Variants in RAB5B observed in about 807,000 individuals in gnomAD.
RAB5B encodes ras-related protein Rab-5B.
A neutral mutation model predicts 28.6 loss-of-function variants in RAB5B; 11 were observed. That is an observed-to-expected ratio of 0.38 (90% CI 0.24 to 0.64). The LOEUF (loss-of-function observed/expected upper bound fraction) is 0.64, where lower values mean the gene tolerates loss of function less well. Ranked by LOEUF, RAB5B falls within the 30% of genes least tolerant of loss-of-function variation. The pLI, the probability that RAB5B is intolerant of heterozygous loss-of-function variation, is 0.53. For missense variants in RAB5B, 169 were observed against 265.6 expected (o/e 0.64, Z 2.53); for synonymous variants, 93 against 97.9 (o/e 0.95, Z 0.29).
At position 55,995,459 on chromosome 12, in the gene RAB5B, C is replaced by T. The variant is rs1890259716; in HGVS notation, c.*3247C>T. 6.6e-6 allele frequency: 1 copy of T among 152,210 alleles called. No individual in the cohort carries two copies. The highest frequency in any genetic ancestry group is 2.4e-5 in the African/African-American group (1 of 41,450). The allele number at this position is 152,210 out of a possible 1,614,324, so 9.4% of individuals were successfully genotyped here. On this transcript the variant is annotated 3_prime_UTR_variant, in exon 6 of 6. Coordinates refer to ENST00000360299, the MANE Select transcript of RAB5B (RefSeq NM_002868.4). ...GGTCCATGACCCAAAGGTTGAAAAA[C>T]ATCACTGAGTTAGTTTTCTTGTAGC...
chr12:55,986,762 T>C, intron 1 of RAB5B, 107 bp from the exon 2 acceptor site: 1 of 602,234 alleles, frequency 1.7e-6, no homozygotes. Context: ...TTCTCAGAGC[T>C]AAGTCCTCAT....
chr12:55,990,339 C>T (rs926354836), intron 3 of RAB5B: 31 of 468,750 alleles, frequency 6.6e-5, no homozygotes, highest in South Asian at 3.1e-4. Flanking sequence ...ACCCAGGAGG[C>T]GGAGGTTGCA....
At chr12:55,990,478 C>T (rs1177784905) in intron 3 of RAB5B, among the ~76,000 whole-genome samples, 2 of 151,844 alleles carry the variant, frequency 1.3e-5, no homozygotes, top group East Asian at 3.9e-4. Flanking sequence ...GGTAAGGGGG[C>T]AGAAAACGGG....
chr12:55,991,965 T>C (rs1219772228), intron 5 of RAB5B, 132 bp from the exon 6 acceptor site: 1 of 635,256 alleles, frequency 1.6e-6, no homozygotes, highest in Non-Finnish European at 2.7e-6. Context: ...AACCCTCCCA[T>C]CTTCAGAACA....
In RAB5B at chr12:55,990,263, T is replaced by C. The variant is rs573309836; in HGVS notation, c.315+165T>C. ...TCTCTACTAAAATTACAAAAATTAGTTGGGCGTGGTGGTGCGCGCCTGTAG... is the reference window on the plus strand; with the variant it reads ...TCTCTACTAAAATTACAAAAATTAGCTGGGCGTGGTGGTGCGCGCCTGTAG... On this transcript the variant is annotated intron_variant, in intron 3 of 5. Coordinates refer to ENST00000360299, the MANE Select transcript of RAB5B (RefSeq NM_002868.4). The C allele has an allele frequency of 3.3e-4, 253 of 761,194 alleles. 1 individual carries two copies. The highest frequency in any genetic ancestry group is 2.1e-3 in the Middle Eastern group (5 of 2,404). 47.2% of individuals were successfully genotyped at this position (761,194 alleles called of 1,614,324 possible).
intron 1 of RAB5B, among the ~76,000 whole-genome samples, chr12:55,981,960 C>G (rs550180966): frequency 9.5e-4 from 145 of 152,068 alleles, no homozygotes; most frequent in Admixed American, 2.6e-3. Flanking sequence ...AGCCACCACA[C>G]CTGGCTAATT....
chr12:55,982,481 G>T (rs1250384591), intron 1 of RAB5B, among the ~76,000 whole-genome samples: 1 of 152,032 alleles, frequency 6.6e-6, no homozygotes, highest in African/African-American at 2.4e-5. Context: ...TTTTTCAGAG[G>T]TGGGATCTCA....
At chr12:55,974,357 C>G (rs1280530651) in intron 1 of RAB5B, among the ~76,000 whole-genome samples, 3 of 152,126 alleles carry the variant, frequency 2.0e-5, no homozygotes, top group Non-Finnish European at 4.4e-5. Flanking sequence ...GGGAAGGCGG[C>G]TGGGCTGTGG....
At chr12:55,974,565 C>G (rs1373059587) in intron 1 of RAB5B, among the ~76,000 whole-genome samples, 1 of 152,136 alleles carries the variant, frequency 6.6e-6, no homozygotes, top group African/African-American at 2.4e-5. Flanking sequence ...TGGGTCCCTG[C>G]AGAGAGGTTC....
In RAB5B at chr12:55,995,019, G is replaced by C. The variant is rs1890245936; in HGVS notation, c.*2807G>C. The C allele has an allele frequency of 6.6e-6, 1 of 151,812 alleles. No homozygotes were observed. The highest frequency in any genetic ancestry group is 6.6e-5 in the Admixed American group (1 of 15,218). The allele number at this position is 151,812 out of a possible 1,614,324, so 9.4% of individuals were successfully genotyped here. A position where few individuals can be genotyped will look rare whatever the true frequency, so the allele number is the denominator to read the frequency against. The stretch of plus-strand genomic sequence containing the variant: ...TGTATATGTGTAGGGTATGGTCTGT[G>C]GATCTTTGGGCCCACTGATCAGATT... On this transcript the variant is annotated 3_prime_UTR_variant, in exon 6 of 6. Transcript: ENST00000360299.
At position 55,992,609 on chromosome 12, in the gene RAB5B, T is replaced by G; in HGVS notation, c.*397T>G. 1 of 441,922 alleles carries G rather than the reference T, an allele frequency of 2.3e-6. No individual in the cohort carries two copies. The highest frequency in any genetic ancestry group is 4.4e-6 in the Non-Finnish European group (1 of 225,354). The allele number at this position is 441,922 out of a possible 1,614,324, so 27.4% of individuals were successfully genotyped here. ...TTCTGCTTTTGGTCAGTCCCTGTTC[T>G]TGAGCCTCTTTTCTCCTCTCCCCAG... On this transcript the variant is annotated 3_prime_UTR_variant, in exon 6 of 6. Coordinates refer to ENST00000360299, the MANE Select transcript of RAB5B (RefSeq NM_002868.4).
At chr12:55,980,181 C>G (rs955524581) in intron 1 of RAB5B, among the ~76,000 whole-genome samples, 1 of 152,096 alleles carries the variant, frequency 6.6e-6, no homozygotes, top group Non-Finnish European at 1.5e-5. Flanking sequence ...TCCTTTCCTC[C>G]TCCCTCTCTT....
chr12:55,992,889 C>T lies in RAB5B; in HGVS notation c.*677C>T, dbSNP rs931209450. The T allele has an allele frequency of 4.0e-6, 1 of 253,010 alleles. No individual in the cohort carries two copies. The highest frequency in any genetic ancestry group is 2.4e-5 in the African/African-American group (1 of 41,992). The allele number at this position is 253,010 out of a possible 1,614,324, so 15.7% of individuals were successfully genotyped here. A position where few individuals can be genotyped will look rare whatever the true frequency, so the allele number is the denominator to read the frequency against. On this transcript the variant is annotated 3_prime_UTR_variant, in exon 6 of 6. Coordinates refer to ENST00000360299, the MANE Select transcript of RAB5B (RefSeq NM_002868.4). ...CACCAGGCAGGAGGTGCCTTGTAAG[C>T]TAACTGGGCGGAGGTGGAGGTGCAG...
intron 1 of RAB5B, among the ~76,000 whole-genome samples, chr12:55,978,992 C>T (rs954545866): frequency 1.1e-4 from 17 of 152,122 alleles, no homozygotes; most frequent in Middle Eastern, 3.4e-3. Context: ...AGGCTGGTCT[C>T]GAACTCCTAA....
At chr12:55,981,094 C>T (rs561610100) in intron 1 of RAB5B, 13 of 1,459,632 alleles carry the variant, frequency 8.9e-6, no homozygotes, top group Admixed American at 1.8e-5. Context: ...GAGACGGAAT[C>T]GCTCTGTTGT....
chr12:55,980,859 G>A, intron 1 of RAB5B: 1 of 1,609,136 alleles, frequency 6.2e-7, no homozygotes, highest in Non-Finnish European at 8.5e-7. Flanking sequence ...CAGACTTGTA[G>A]TTTGATCTTC....
chr12:55,976,216 G>T (rs1889643281), intron 1 of RAB5B, among the ~76,000 whole-genome samples: 1 of 152,124 alleles, frequency 6.6e-6, no homozygotes, highest in South Asian at 2.1e-4. Context: ...GCTTTGCTTT[G>T]GGGGATGTGT....
chr12:55,975,179 T>G (rs531191596), intron 1 of RAB5B, among the ~76,000 whole-genome samples: 1 of 152,344 alleles, frequency 6.6e-6, no homozygotes, highest in South Asian at 2.1e-4. Flanking sequence ...GGAAAGGGGC[T>G]TAGAGATCCT....
At chr12:55,974,692 C>T (rs548832613) in intron 1 of RAB5B, among the ~76,000 whole-genome samples, 2 of 152,092 alleles carry the variant, frequency 1.3e-5, no homozygotes, top group African/African-American at 4.8e-5. Context: ...GATTTGGGTT[C>T]AGTGAGGGAG....
Sources: allele counts gnomAD v4.1 joint callset (sites outside exome capture counted in the v4.1 genomes callset), GRCh38; gene constraint gnomAD v4.1.1; transcripts MANE v1.5; gene names NCBI Gene and HGNC (gene_info 2026-07-23, HGNC 2026-07-21).